The following MSS51 variants were observed in gnomAD, a reference collection of about 807,000 sequenced individuals.
The protein encoded by MSS51 is MSS51 mitochondrial translational activator.
MSS51 carries 32 observed loss-of-function variants against 40.2 expected under a neutral mutation model. That is an observed-to-expected ratio of 0.80 (90% CI 0.60 to 1.07). MSS51 has a LOEUF of 1.07. MSS51 is among the 50% of genes least tolerant of loss of function. The pLI is 0.00. For synonymous variants in MSS51, 178 were observed against 214.2 expected (o/e 0.83, Z 1.48); for missense variants, 518 against 568.9 (o/e 0.91, Z 0.91).
intron 1 of MSS51, among the ~76,000 whole-genome samples, chr10:73,430,109 G>A (rs1198311226): frequency 1.3e-5 from 2 of 152,062 alleles, no homozygotes; most frequent in Non-Finnish European, 2.9e-5. Context: ...AGAATGACTC[G>A]AGTTTGAATG....
chr10:73,428,111 C>T lies in MSS51; in HGVS notation c.174G>A (p.Ser58=), dbSNP rs147992758. The part of the protein sequence containing the change: ...FSLDDNVPGL[S]QLILQKLNMK... ...TGTTCAGCTTTTGAAGGATCAGCTG[C>T]GATAGGCCAGGAACATTATCATCCA... Residue 58 remains serine (S), a synonymous_variant, in exon 2 of 7, where the codon TCG becomes TCA. Coordinates refer to ENST00000299432, the MANE Select transcript of MSS51 (RefSeq NM_001024593.2). 5.0e-6 allele frequency: 8 copies of T among 1,613,874 alleles called. No homozygotes were observed. The highest frequency in any genetic ancestry group is 1.7e-5 in the Admixed American group (1 of 59,986).
chr10:73,430,827 T>C (rs940748487), intron 1 of MSS51, among the ~76,000 whole-genome samples: 12 of 152,200 alleles, frequency 7.9e-5, no homozygotes, highest in African/African-American at 2.7e-4. Context: ...TGAATGTTCA[T>C]AGCAGCACTA....
In MSS51 at chr10:73,426,655, G is replaced by A. The variant is rs2055991430; in HGVS notation, c.454C>T (p.Leu152Phe). Residue 152 changes from leucine to phenylalanine, a missense_variant, in exon 4 of 7, where the codon CTT (leucine) becomes TTT (phenylalanine). Leu to Phe is a conservative substitution (Grantham distance 22). Coordinates refer to ENST00000299432, the MANE Select transcript of MSS51 (RefSeq NM_001024593.2). ...AGACGGTCCACAGCCACAAGACGAA[G>A]CTCTTGACAAACCCTCCTGTGTGCG... ...WPAHRRVCQE[L>F]RLVAVDRLME... The A allele has an allele frequency of 6.2e-7, 1 of 1,614,084 alleles. No individual in the cohort carries two copies.
chr10:73,433,276 T>C (rs1448905573), intron 1 of MSS51, among the ~76,000 whole-genome samples: 2 of 152,078 alleles, frequency 1.3e-5, no homozygotes. Context: ...TCTAATTTTC[T>C]GTAAGTCACC....
chr10:73,427,193 A>G (rs2055995458), intron 3 of MSS51, among the ~76,000 whole-genome samples: 1 of 151,980 alleles, frequency 6.6e-6, no homozygotes, highest in South Asian at 2.1e-4. Context: ...GTGACAAAAA[A>G]TGAGGACCTA....
rs980715777 is a variant in MSS51, at chr10:73,425,737, C to G, written c.1069+74G>C. 3.7e-6 allele frequency: 5 copies of G among 1,348,200 alleles called. No individual in the cohort carries two copies. The South Asian group carries it at 5.5e-5, about 15-fold the overall frequency. 83.5% of individuals were successfully genotyped at this position (1,348,200 alleles called of 1,614,324 possible). On this transcript the variant is annotated intron_variant, in intron 5 of 6. Transcript: ENST00000299432. ...TTAATGAGACCAAATGAATGGGGTT[C>G]CAAAGACAGAAGATTCAGGATGGAA...
In MSS51 at chr10:73,427,509, C is replaced by T. The variant is rs543803272; in HGVS notation, c.377+104G>A. On this transcript the variant is annotated intron_variant, in intron 3 of 6. Transcript: ENST00000299432. ...GCCAGGTTGGCCTCATGTGATCCAC[C>T]TGCCTCGGCCTCCCAAGGTGCTGGA... The T allele has an allele frequency of 2.9e-5, 37 of 1,284,994 alleles. No homozygotes were observed. The South Asian group carries it at 5.5e-4, about 19-fold the overall frequency. 79.6% of individuals were successfully genotyped at this position (1,284,994 alleles called of 1,614,324 possible). A position where few individuals can be genotyped will look rare whatever the true frequency, so the allele number is the denominator to read the frequency against.
chr10:73,424,859 C>G, intron 6 of MSS51, 87 bp from the exon 7 acceptor site: 1 of 1,114,682 alleles, frequency 9.0e-7, no homozygotes, highest in South Asian at 1.3e-5. Flanking sequence ...TTTCTGTAAT[C>G]ACCCATCCCC....
rs145089649 is a variant in MSS51, at chr10:73,427,683, G to A, written c.307C>T (p.Arg103Ter). The A allele has an allele frequency of 3.4e-5, 55 of 1,614,182 alleles. No individual in the cohort carries two copies. In the African/African-American group the frequency reaches 3.7e-4, roughly 11 times the overall value. The part of the protein sequence containing the change: ...EMFQRMEDTF[R>*]FCAHCRALPS... The stretch of plus-strand genomic sequence containing the variant: ...AGTGCTCTACAGTGAGCACAGAATC[G>A]AAATGTGTCTTCCATCCTCTGGAAC... Residue 103 changes from arginine to a stop codon, truncating the protein, a stop_gained, in exon 3 of 7, where the codon CGA (arginine) becomes TGA (stop). Transcript: ENST00000299432. LOFTEE classifies it high-confidence loss of function.
chr10:73,425,215 G>C (rs760207149), intron 5 of MSS51, 24 bp from the exon 6 acceptor site: 2 of 1,517,764 alleles, frequency 1.3e-6, no homozygotes, highest in Admixed American at 2.0e-5. Context: ...ATGAAAATGG[G>C]AATAGGGAAA....
At chr10:73,425,304 T>C (rs925551640) in intron 5 of MSS51, 113 bp from the exon 6 acceptor site, 16 of 640,420 alleles carry the variant, frequency 2.5e-5, no homozygotes, top group Middle Eastern at 2.6e-4. Context: ...CCCCAGTCAT[T>C]ATCATCATCA....
Position 73,426,804 on chromosome 10 carries a change from T to A in MSS51, c.378-73A>T, listed in dbSNP as rs923019379. On this transcript the variant is annotated intron_variant, in intron 3 of 6. Transcript: ENST00000299432. ...GGTTATCGGAGGAAAGGAACTGATA[T>A]TCCTGCACCTAGGATGGTGAATGGG... The A allele has an allele frequency of 2.6e-6, 4 of 1,542,432 alleles. No individual in the cohort carries two copies. In the African/African-American group the frequency reaches 5.5e-5, roughly 21 times the overall value.
At chr10:73,431,849 G>A (rs181188874) in intron 1 of MSS51, among the ~76,000 whole-genome samples, 1 of 152,074 alleles carries the variant, frequency 6.6e-6, no homozygotes, top group Non-Finnish European at 1.5e-5. Context: ...GGGTTTAAGG[G>A]TCATGTCCTT....
At chr10:73,429,546 G>C (rs1476874780) in intron 1 of MSS51, 3 of 453,812 alleles carry the variant, frequency 6.6e-6, no homozygotes, top group Admixed American at 4.8e-5. Context: ...TGCACTAAGA[G>C]TTATGTAGTC....
At chr10:73,425,675 G>GA (rs796687340) in intron 5 of MSS51, 136 bp downstream of exon 5, 53,378 of 435,134 alleles carry the variant, frequency 0.12, 23 homozygotes, top group South Asian at 0.16. Flanking sequence ...AAAAAAAAAA[G>GA]AAAAAAAAAA....
chr10:73,428,838 A>ATT (rs914833587), intron 1 of MSS51, among the ~76,000 whole-genome samples: 1 of 152,040 alleles, frequency 6.6e-6, no homozygotes, highest in African/African-American at 2.4e-5. Context: ...AGTCCTATAC[A>ATT]TTATATATAT....
At chr10:73,424,959 A>C in intron 6 of MSS51, 139 bp downstream of exon 6, 1 of 822,246 alleles carries the variant, frequency 1.2e-6, no homozygotes, top group Middle Eastern at 3.1e-4. Flanking sequence ...GGACTGTTCC[A>C]AGGGGATAAA....
intron 5 of MSS51, 62 bp downstream of exon 5, chr10:73,425,749 G>T: frequency 1.4e-6 from 2 of 1,436,270 alleles, no homozygotes; most frequent in Non-Finnish European, 1.9e-6. Flanking sequence ...AAAGACAGAA[G>T]ATTCAGGATG....
chr10:73,424,808 T>C (rs1299711627), intron 6 of MSS51, 36 bp from the exon 7 acceptor site: 2 of 1,539,836 alleles, frequency 1.3e-6, no homozygotes, highest in Admixed American at 1.7e-5. Context: ...ACTCTACTGA[T>C]TGTGACAGAG....
Sources: allele counts gnomAD v4.1 joint callset (sites outside exome capture counted in the v4.1 genomes callset), GRCh38; gene constraint gnomAD v4.1.1; transcripts MANE v1.5; gene names NCBI Gene and HGNC (gene_info 2026-07-23, HGNC 2026-07-21).